The following RNPEPL1 variants were observed in gnomAD, a reference collection of about 807,000 sequenced individuals.
RNPEPL1 encodes the protein aminopeptidase RNPEPL1.
Under a neutral mutation model 69.0 loss-of-function variants are expected in RNPEPL1, and 46 were observed. That is an observed-to-expected ratio of 0.67 (90% CI 0.53 to 0.85). The LOEUF (loss-of-function observed/expected upper bound fraction) is 0.85. Ranked by LOEUF, RNPEPL1 falls within the 40% of genes least tolerant of loss-of-function variation. The probability of loss-of-function intolerance (pLI) is 0.00; values close to 1 mark genes in which losing one functional copy is unlikely to be tolerated. For missense variants in RNPEPL1, 869 were observed against 992.5 expected, an observed-to-expected ratio of 0.88 and a Z score of 1.67; for synonymous variants, 525 against 454.1, an observed-to-expected ratio of 1.16 and a Z score of -1.98.
intron 1 of RNPEPL1, among the ~76,000 whole-genome samples, chr2:240,570,746 T>C (rs1191429003): frequency 6.6e-6 from 1 of 152,146 alleles, no homozygotes; most frequent in African/African-American, 2.4e-5. Context: ...TCAGCCTTGT[T>C]CCTTTTCCAC....
intron 10 of RNPEPL1, 133 bp from the exon 11 acceptor site, chr2:240,577,466 G>A (rs1311170687): frequency 3.0e-5 from 30 of 1,007,290 alleles, no homozygotes; most frequent in Admixed American, 7.8e-5. Context: ...CCTGGCCACC[G>A]GAGTCCAGGC....
intron 1 of RNPEPL1, 150 bp from the exon 2 acceptor site, chr2:240,572,273 A>C (rs2093023881): frequency 1.1e-6 from 1 of 875,388 alleles, no homozygotes; most frequent in African/African-American, 1.7e-5. Context: ...GTGAAGGCTA[A>C]GGGGTGGCTA....
Position 240,577,849 on chromosome 2 carries a change from C to G in RNPEPL1, c.2135C>G (p.Pro712Arg). The G allele has an allele frequency of 6.3e-7, 1 of 1,584,118 alleles. No individual in the cohort carries two copies. Among genetic ancestry groups the G allele is most frequent in the Non-Finnish European group, 8.6e-7 (1 of 1,160,682 alleles). Reference sequence around the variant, plus strand: ...GCCCTGCTGCTTGGGGACGAGGCCCCCAGCAGTGCCATCTCTCTCAGGGAC... The same window carrying G: ...GCCCTGCTGCTTGGGGACGAGGCCCGCAGCAGTGCCATCTCTCTCAGGGAC... ...AQALLLGDEA[P>R]SSAISLRDVN... Residue 712 changes from proline to arginine, a missense_variant, in exon 11 of 11, where the codon CCC becomes CGC. This residue lies in a region of RNPEPL1 where 610 missense variants were observed against 790.9 expected (regional missense o/e 0.77). Transcript: ENST00000270357.
intron 8 of RNPEPL1, 195 bp downstream of exon 8, chr2:240,575,805 C>T (rs1252499783): frequency 1.0e-5 from 6 of 587,854 alleles, no homozygotes; most frequent in South Asian, 2.0e-5. Flanking sequence ...GGGGGCCTCC[C>T]TGGGGCCGGT....
intron 8 of RNPEPL1, 79 bp from the exon 9 acceptor site, chr2:240,576,456 C>A: frequency 7.4e-7 from 1 of 1,350,978 alleles, no homozygotes; most frequent in Non-Finnish European, 1.0e-6. Context: ...CACTCAGGGT[C>A]TGGGGTCTCC....
Position 240,578,161 on chromosome 2 carries a change from T to G in RNPEPL1, c.*269T>G. The G allele has an allele frequency of 2.8e-6, 1 of 355,358 alleles. No homozygotes were observed. The highest frequency in any genetic ancestry group is 5.1e-6 in the Non-Finnish European group (1 of 196,902). 22.0% of individuals were successfully genotyped at this position (355,358 alleles called of 1,614,324 possible). A position where few individuals can be genotyped will look rare whatever the true frequency, so the allele number is the denominator to read the frequency against. On this transcript the variant is annotated 3_prime_UTR_variant, in exon 11 of 11. Transcript: ENST00000270357. ...CACACCATGCCTCCTGTCTCAACAC[T>G]GACAGCTGTGCCTAGCCCCGGATGC...
intron 1 of RNPEPL1, 145 bp from the exon 2 acceptor site, chr2:240,572,278 T>G (rs1308115737): frequency 1.1e-6 from 1 of 904,166 alleles, no homozygotes; most frequent in Middle Eastern, 3.4e-4. Flanking sequence ...GGCTAAGGGG[T>G]GGCTATTGGC....
rs1469249666 is a variant in RNPEPL1, at chr2:240,568,735, T to G, written c.149T>G (p.Leu50Arg). ...RLRHLQLGLE[L>R]RPEARELAGC... ...CGCCACCTGCAGCTGGGCCTGGAGC[T>G]GCGGCCCGAGGCGCGCGAGTTGGCC... is the stretch of plus-strand genomic sequence containing the variant. Residue 50 changes from leucine to arginine, a missense_variant, in exon 1 of 11, where the codon CTG becomes CGG. Physicochemically the swap from Leu to Arg is moderately radical, Grantham distance 102. Coordinates refer to ENST00000270357, the MANE Select transcript of RNPEPL1 (RefSeq NM_018226.6). The surrounding 1 kb of genome is among the most constrained non-coding windows in gnomAD (Gnocchi z 6.2). 1.9e-6 allele frequency: 2 copies of G among 1,063,692 alleles called. No individual in the cohort carries two copies. Among genetic ancestry groups the G allele is most frequent in the African/African-American group, 1.7e-5 (1 of 57,660 alleles). The allele number at this position is 1,063,692 out of a possible 1,614,324, so 65.9% of individuals were successfully genotyped here. A position where few individuals can be genotyped will look rare whatever the true frequency, so the allele number is the denominator to read the frequency against.
rs1268336460 is a variant in RNPEPL1, at chr2:240,580,329, G to A, written c.*2437G>A. 6.6e-6 allele frequency: 1 copy of A among 152,100 alleles called. No individual in the cohort carries two copies. The highest frequency in any genetic ancestry group is 1.5e-5 in the Non-Finnish European group (1 of 68,038). The allele number at this position is 152,100 out of a possible 1,614,324, so 9.4% of individuals were successfully genotyped here. A position where few individuals can be genotyped will look rare whatever the true frequency, so the allele number is the denominator to read the frequency against. On this transcript the variant is annotated 3_prime_UTR_variant, in exon 11 of 11. Coordinates refer to ENST00000270357, the MANE Select transcript of RNPEPL1 (RefSeq NM_018226.6). ...TCATCCCAGTTGAGCTTTACCAAATGTTTTGCCCCACCTAACAGCCTGCCC... is the reference window on the plus strand; with the variant it reads ...TCATCCCAGTTGAGCTTTACCAAATATTTTGCCCCACCTAACAGCCTGCCC...
rs2093013184 is a variant in RNPEPL1 at position 240,568,981 on chromosome 2, G to A, written c.395G>A (p.Cys132Tyr). 6 of 1,474,944 alleles carry A rather than the reference G, an allele frequency of 4.1e-6. No individual in the cohort carries two copies. The South Asian group carries it at 5.1e-5, about 13-fold the overall frequency. The allele number at this position is 1,474,944 out of a possible 1,614,324, so 91.4% of individuals were successfully genotyped here. ...FPEAPGSEPACCPLAFRVDPF... is the reference protein window; with the variant it reads ...FPEAPGSEPAYCPLAFRVDPF... ...GAGGCGCCCGGCTCCGAGCCCGCCT[G>A]CTGTCCGCTGGCCTTCAGGGTGGAC... Residue 132 changes from cysteine to tyrosine, a missense_variant, in exon 1 of 11, where the codon TGC becomes TAC. Coordinates refer to ENST00000270357, the MANE Select transcript of RNPEPL1 (RefSeq NM_018226.6). This position sits in a 1 kb window ranked among gnomAD's most constrained non-coding sequence, Gnocchi z 6.2.
At chr2:240,570,724 G>A (rs900076818) in intron 1 of RNPEPL1, among the ~76,000 whole-genome samples, 4 of 152,172 alleles carry the variant, frequency 2.6e-5, no homozygotes, top group Admixed American at 1.3e-4. Flanking sequence ...GCCCTGCAGC[G>A]TCTGGAGCCC....
intron 1 of RNPEPL1, among the ~76,000 whole-genome samples, chr2:240,569,717 G>T (rs534650535): frequency 1.2e-3 from 178 of 152,350 alleles, no homozygotes; most frequent in African/African-American, 4.2e-3. Context: ...CCACCAGTGG[G>T]GATGTGTACA....
At chr2:240,572,724 C>T (rs1434295192) in intron 2 of RNPEPL1, among the ~76,000 whole-genome samples, 161 bp downstream of exon 2, 1 of 152,188 alleles carries the variant, frequency 6.6e-6, no homozygotes. Flanking sequence ...GGAGGAGCCG[C>T]TTTGCAGGGA....
chr2:240,573,313 C>T (rs987622839), intron 3 of RNPEPL1, 52 bp downstream of exon 3: 13 of 1,513,632 alleles, frequency 8.6e-6, no homozygotes, highest in African/African-American at 2.8e-5. Context: ...CGGGGAGAGC[C>T]CCACCGGGGG....
rs770772897 is a variant in RNPEPL1 at position 240,576,654 on chromosome 2, C to G, written c.1630C>G (p.Pro544Ala). Residue 544 changes from proline to alanine, a missense_variant, in exon 9 of 11, where the codon CCT becomes GCT. Around this residue, in one of 2 missense-constraint regions of RNPEPL1, gnomAD observed 610 missense variants for 790.9 expected, o/e 0.77. Coordinates refer to ENST00000270357, the MANE Select transcript of RNPEPL1 (RefSeq NM_018226.6). The stretch of plus-strand genomic sequence containing the variant: ...CCTTTTCCAGCTGTGGACCGCAGAA[C>G]CTCTGGACCAGGCAGCTGCCTCGGC... ...EALFQLWTAEPLDQAAASASA... is the reference protein window; with the variant it reads ...EALFQLWTAEALDQAAASASA... 1.9e-6 allele frequency: 3 copies of G among 1,613,052 alleles called. No individual in the cohort carries two copies. The highest frequency in any genetic ancestry group is 2.5e-6 in the Non-Finnish European group (3 of 1,179,998).
In RNPEPL1 at chr2:240,569,872, G is replaced by T. The variant is rs540191681; in HGVS notation, c.528+758G>T. ...GGGAAGTCCAGCTGTCACTGGTCAC[G>T]GCACATAAATGGACAGGGTGGTGGA... On this transcript the variant is annotated intron_variant, in intron 1 of 10. Transcript: ENST00000270357. 2.6e-5 allele frequency among the ~76,000 whole-genome samples: 4 copies of T among 152,320 alleles called. No homozygotes were observed. In the South Asian group the frequency reaches 8.3e-4, roughly 32 times the overall value.
intron 1 of RNPEPL1, among the ~76,000 whole-genome samples, chr2:240,571,205 C>T (rs533420709): frequency 2.2e-4 from 34 of 152,288 alleles, no homozygotes; most frequent in African/African-American, 6.5e-4. Context: ...CCTTGCTGCC[C>T]AGCAGGGCCA....
rs2093032357 is a variant in RNPEPL1 at position 240,574,585 on chromosome 2, A to G, written c.1245A>G (p.Gly415=). The change falls in exon 6 of 11, where the codon GGA becomes GGG. Residue 415 remains glycine, a synonymous_variant. Transcript: ENST00000270357. ...DALHRQMKLL[G]EDSPVSKLQV... is the part of the protein sequence containing the mutation. ...TGCACCGGCAGATGAAGCTTCTGGG[A>G]GAGGACAGCCCGGTCAGCAAACTGC... is the stretch of plus-strand genomic sequence containing the variant. 1.2e-6 allele frequency: 2 copies of G among 1,612,940 alleles called. No homozygotes were observed. The highest frequency in any genetic ancestry group is 4.5e-5 in the East Asian group (2 of 44,878).
Position 240,578,523 on chromosome 2 carries a change from G to A in RNPEPL1, c.*631G>A, listed in dbSNP as rs2093044630. The stretch of plus-strand genomic sequence containing the variant: ...GAGTCCCAGGACCCAGGGAGAGTGT[G>A]GGGACAGGACAGCCTGTCTCTTGTA... On this transcript the variant is annotated 3_prime_UTR_variant, in exon 11 of 11. Transcript: ENST00000270357. 1 of 152,548 alleles carries A rather than the reference G, an allele frequency of 6.6e-6. No homozygotes were observed. Among genetic ancestry groups the A allele is most frequent in the East Asian group, 1.9e-4 (1 of 5,232 alleles). The allele number at this position is 152,548 out of a possible 1,614,324, so 9.4% of individuals were successfully genotyped here. A position where few individuals can be genotyped will look rare whatever the true frequency, so the allele number is the denominator to read the frequency against.
Sources: gnomAD v4.1 joint callset for allele counts (sites outside exome capture counted in the v4.1 genomes callset) on GRCh38, gnomAD v4.1.1 for gene constraint, gnomAD v4.1.1 regional missense constraint, Gnocchi (gnomAD v3.1) non-coding constraint, MANE v1.5 for transcripts, NCBI Gene and HGNC (gene_info 2026-07-23, HGNC 2026-07-21) for gene names.